The following USP28 variants were observed in gnomAD, a reference collection of about 807,000 sequenced individuals.
USP28 encodes ubiquitin carboxyl-terminal hydrolase 28.
In USP28, 113 loss-of-function variants were observed where a neutral mutation model predicts 145.0. The observed-to-expected ratio is 0.78, with a 90% CI of 0.67 to 0.91. The LOEUF (loss-of-function observed/expected upper bound fraction) is 0.91. USP28 is among the 40% of genes least tolerant of loss of function. USP28 has a pLI of 0.00. For synonymous variants in USP28, 447 were observed against 450.9 expected, an observed-to-expected ratio of 0.99 and a Z score of 0.11; for missense variants, 1,201 against 1,289.6, an observed-to-expected ratio of 0.93 and a Z score of 1.05.
intron 19 of USP28, among the ~76,000 whole-genome samples, chr11:113,806,012 T>G (rs1161998007): frequency 6.6e-6 from 1 of 151,974 alleles, no homozygotes; most frequent in East Asian, 1.9e-4. Flanking sequence ...CACTGCAACC[T>G]TGAACACCTG....
intron 3 of USP28, among the ~76,000 whole-genome samples, chr11:113,844,366 G>A (rs1003444586): frequency 2.0e-5 from 3 of 151,926 alleles, no homozygotes; most frequent in Non-Finnish European, 4.4e-5. Flanking sequence ...GAACCCGGGA[G>A]CCGGGAGGCA....
chr11:113,810,840 A>T (rs952564574), intron 16 of USP28, among the ~76,000 whole-genome samples: 1 of 152,198 alleles, frequency 6.6e-6, no homozygotes, highest in African/African-American at 2.4e-5. Context: ...ATGCCCAGCT[A>T]ATTTATGTAT....
Position 113,827,373 on chromosome 11 carries a change from G to A in USP28, c.1060-13C>T, listed in dbSNP as rs1395854460. 2.6e-6 allele frequency: 4 copies of A among 1,563,926 alleles called. No individual in the cohort carries two copies. Among genetic ancestry groups the A allele is most frequent in the Non-Finnish European group, 3.4e-6 (4 of 1,163,846 alleles). On this transcript the variant is annotated splice_polypyrimidine_tract_variant and intron_variant, in intron 10 of 24. Transcript: ENST00000003302. ...TTGTAAACCAACGCTAGTGTCAAGA[G>A]TAGAAATGTGAGAGAAAGAAAAATT...
At chr11:113,824,931 TAAAAAA>T (rs751056158) in intron 11 of USP28, among the ~76,000 whole-genome samples, 2 of 118,402 alleles carry the variant, frequency 1.7e-5, no homozygotes, top group Non-Finnish European at 3.4e-5. Context: ...AACTCCGTCT[TAAAAAA>T]AAAAAAAAAA....
At chr11:113,833,368 T>C in intron 7 of USP28, 52 bp downstream of exon 7, 1 of 1,598,562 alleles carries the variant, frequency 6.3e-7, no homozygotes, top group South Asian at 1.1e-5. Context: ...CAGTACCGCA[T>C]TAACACTGAC....
At chr11:113,831,059 C>G in intron 8 of USP28, 116 bp from the exon 9 acceptor site, 1 of 930,360 alleles carries the variant, frequency 1.1e-6, no homozygotes, top group Non-Finnish European at 1.7e-6. Context: ...CCCAAAGAGC[C>G]AGGTATGATC....
chr11:113,817,541 G>A, intron 13 of USP28, 117 bp downstream of exon 13: 1 of 1,210,636 alleles, frequency 8.3e-7, no homozygotes, highest in Non-Finnish European at 1.1e-6. Context: ...TTAAGACAAA[G>A]AGCTCACAGC....
chr11:113,833,762 A>G (rs1490454290), intron 6 of USP28, among the ~76,000 whole-genome samples: 1 of 152,240 alleles, frequency 6.6e-6, no homozygotes, highest in African/African-American at 2.4e-5. Flanking sequence ...CAGAGACAGC[A>G]CTGTTGGAAA....
At chr11:113,826,806 C>T (rs1335152751) in intron 11 of USP28, among the ~76,000 whole-genome samples, 2 of 151,250 alleles carry the variant, frequency 1.3e-5, no homozygotes, top group East Asian at 3.9e-4. Context: ...GTAATTCCAG[C>T]TACTTGGGAG....
At chr11:113,828,562 CCA>C (rs371398977) in intron 10 of USP28, among the ~76,000 whole-genome samples, 278 of 152,198 alleles carry the variant, frequency 1.8e-3, no homozygotes, top group Admixed American at 3.0e-3. Flanking sequence ...CATATATAAG[CCA>C]CAGTTTTGTC....
intron 12 of USP28, chr11:113,821,417 T>G: frequency 4.4e-6 from 1 of 226,992 alleles, no homozygotes; most frequent in Non-Finnish European, 9.8e-6. Context: ...AAGCATTTAT[T>G]CTGAGTGAGC....
intron 5 of USP28, chr11:113,835,363 C>A (rs1207608640): frequency 4.4e-6 from 2 of 454,236 alleles, no homozygotes; most frequent in Non-Finnish European, 8.8e-6. Flanking sequence ...GGAATTAGAA[C>A]TAAATAAAAC....
intron 5 of USP28, among the ~76,000 whole-genome samples, chr11:113,839,856 C>T (rs1389331363): frequency 2.6e-5 from 4 of 152,060 alleles, no homozygotes; most frequent in South Asian, 2.1e-4. Context: ...AACCCCATCT[C>T]GACTAAAAAT....
intron 24 of USP28, among the ~76,000 whole-genome samples, chr11:113,800,971 T>C (rs1199589047): frequency 6.6e-6 from 1 of 151,542 alleles, no homozygotes; most frequent in Non-Finnish European, 1.5e-5. Flanking sequence ...GCCTCCCGAG[T>C]AGCTGGGATT....
At chr11:113,801,281 G>A (rs1042223183) in intron 24 of USP28, among the ~76,000 whole-genome samples, 8 of 152,130 alleles carry the variant, frequency 5.3e-5, no homozygotes, top group African/African-American at 1.9e-4. Context: ...TGGCAGTCAT[G>A]GGGAAGCTAA....
At chr11:113,818,668 TAGGCA>T (rs1476306035) in intron 12 of USP28, among the ~76,000 whole-genome samples, 1 of 152,048 alleles carries the variant, frequency 6.6e-6, no homozygotes, top group Non-Finnish European at 1.5e-5. Context: ...AAGACCAGCC[TAGGCA>T]ACATGACAAA....
rs1939681558 is a variant in USP28, at chr11:113,804,933, G to A, written c.2514C>T (p.Pro838=). 1.9e-6 allele frequency: 3 copies of A among 1,614,158 alleles called. No individual in the cohort carries two copies. The East Asian group carries it at 6.7e-5, about 36-fold the overall frequency. Residue 838 remains proline, a synonymous_variant, in exon 20 of 25, where the codon CCC becomes CCT. Coordinates refer to ENST00000003302, the Ensembl canonical transcript of USP28. ...GAAGGGTTCGTTCTACTACCCTTTT[G>A]GGTGCTTCATTTTGGAAAAAGTAGA... is the stretch of plus-strand genomic sequence containing the variant.
intron 23 of USP28, among the ~76,000 whole-genome samples, chr11:113,801,972 A>G (rs1209835664): frequency 6.6e-6 from 1 of 152,214 alleles, no homozygotes; most frequent in Non-Finnish European, 1.5e-5. Context: ...TGTTTCAACC[A>G]AAGACCTGTT....
intron 8 of USP28, among the ~76,000 whole-genome samples, chr11:113,831,342 T>C (rs1325940892): frequency 5.9e-5 from 9 of 152,206 alleles, no homozygotes; most frequent in Non-Finnish European, 1.0e-4. Flanking sequence ...TTTTTCTCCA[T>C]GGTACAACAG....
Sources: allele counts gnomAD v4.1 joint callset (sites outside exome capture counted in the v4.1 genomes callset), GRCh38; gene constraint gnomAD v4.1.1; transcripts MANE v1.5; gene names NCBI Gene and HGNC (gene_info 2026-07-23, HGNC 2026-07-21).